Variants in SNAPC1 observed in about 807,000 individuals in gnomAD.
SNAPC1 encodes small nuclear RNA activating complex polypeptide 1.
A neutral mutation model predicts 50.1 loss-of-function variants in SNAPC1; 42 were observed. That is an observed-to-expected ratio of 0.84 (90% confidence interval 0.65 to 1.08). The LOEUF is 1.08. SNAPC1 is among the 50% of genes least tolerant of loss of function. SNAPC1 has a pLI of 0.00. For missense variants in SNAPC1, 477 were observed against 427.3 expected (o/e 1.12, Z -1.02); for synonymous variants, 164 against 144.2 (o/e 1.14, Z -0.98).
At chr14:61,790,484 C>T (rs764015537) in intron 8 of SNAPC1, among the ~76,000 whole-genome samples, 39 of 152,244 alleles carry the variant, frequency 2.6e-4, no homozygotes, top group Middle Eastern at 3.4e-3. Flanking sequence ...TACAGGCGCT[C>T]GCCACCACGC....
intron 1 of SNAPC1, among the ~76,000 whole-genome samples, chr14:61,762,909 G>T (rs2140172033): frequency 1.4e-5 from 2 of 141,920 alleles, no homozygotes; most frequent in Admixed American, 7.2e-5. Flanking sequence ...AGGACCTGAT[G>T]TTTAAAAACA....
At chr14:61,765,137 A>T (rs2044937447) in intron 1 of SNAPC1, among the ~76,000 whole-genome samples, 1 of 152,204 alleles carries the variant, frequency 6.6e-6, no homozygotes, top group Non-Finnish European at 1.5e-5. Context: ...ATGTGGCTTC[A>T]TTGTTTTATC....
chr14:61,794,867 A>G (rs1436905496), intron 9 of SNAPC1, 82 bp from the exon 10 acceptor site: 5 of 898,358 alleles, frequency 5.6e-6, no homozygotes, highest in Admixed American at 1.8e-5. Flanking sequence ...ATTAGGTATT[A>G]TCATGTAAGT....
chr14:61,778,400 CT>C (rs1457392016), intron 6 of SNAPC1, among the ~76,000 whole-genome samples: 2 of 152,182 alleles, frequency 1.3e-5, no homozygotes, highest in Non-Finnish European at 2.9e-5. Context: ...CAGGATCAGG[CT>C]TTTGTAATAT....
At chr14:61,782,465 G>A in intron 8 of SNAPC1, 68 bp downstream of exon 8, 1 of 1,235,998 alleles carries the variant, frequency 8.1e-7, no homozygotes, top group East Asian at 2.5e-5. Context: ...TTTGCCTCAT[G>A]TTTATTTCCT....
chr14:61,795,165 T>C lies in SNAPC1; in HGVS notation c.*182T>C, dbSNP rs2045180163. Reference sequence around the variant, plus strand: ...AAGTACAAAAAATTAGAATAAGAATTCTTTAACATTTTCTTTAATGATTTG... The same window carrying C: ...AAGTACAAAAAATTAGAATAAGAATCCTTTAACATTTTCTTTAATGATTTG... On this transcript the variant is annotated 3_prime_UTR_variant, in exon 10 of 10. Transcript: ENST00000216294. 1.9e-6 allele frequency: 1 copy of C among 528,794 alleles called. No homozygotes were observed. The highest frequency in any genetic ancestry group is 3.7e-5 in the Admixed American group (1 of 26,852). 32.8% of individuals were successfully genotyped at this position (528,794 alleles called of 1,614,324 possible).
chr14:61,772,926 T>A (rs2045004069), intron 4 of SNAPC1, among the ~76,000 whole-genome samples: 1 of 152,208 alleles, frequency 6.6e-6, no homozygotes, highest in South Asian at 2.1e-4. Flanking sequence ...CTCTGTCGGA[T>A]CTCTGGCTTG....
At position 61,763,846 on chromosome 14, in the gene SNAPC1, G is replaced by C. The variant is rs543501478; in HGVS notation, c.128+1258G>C. ...CTTGAGTTTCCATATCTGTAAAATA[G>C]AGGCAATGATAAACCTCATAGTAGT... is the stretch of plus-strand genomic sequence containing the variant. On this transcript the variant is annotated intron_variant, in intron 1 of 9. Transcript: ENST00000216294. 6.1e-3 allele frequency among the ~76,000 whole-genome samples: 928 copies of C among 152,268 alleles called. 10 individuals are homozygous for C. The highest frequency in any genetic ancestry group is 0.022 in the African/African-American group (902 of 41,542).
intron 3 of SNAPC1, 45 bp downstream of exon 3, chr14:61,767,397 T>A: frequency 8.0e-7 from 1 of 1,253,760 alleles, no homozygotes; most frequent in Non-Finnish European, 1.1e-6. Context: ...TGAGCAATTA[T>A]ACTTTATTGT....
rs143370039 is a variant in SNAPC1, at chr14:61,771,304, G to A, written c.534+2564G>A. Among the ~76,000 whole-genome samples, 326 of 152,272 alleles carry A rather than the reference G, an allele frequency of 2.1e-3. 1 individual carries two copies. Among genetic ancestry groups the A allele is most frequent in the African/African-American group, 7.4e-3 (309 of 41,554 alleles). On this transcript the variant is annotated intron_variant, in intron 4 of 9. Coordinates refer to ENST00000216294, the MANE Select transcript of SNAPC1 (RefSeq NM_003082.4). ...TAGGGGTTTTTATCCGTGATTTAAA[G>A]TTGAGGAAACTGAGTTACAGAGACT...
intron 8 of SNAPC1, among the ~76,000 whole-genome samples, chr14:61,787,213 A>C (rs959837724): frequency 1.3e-5 from 2 of 152,206 alleles, no homozygotes; most frequent in African/African-American, 4.8e-5. Context: ...GCAGTGGTAG[A>C]TTGCACAGCC....
At chr14:61,776,980 C>A (rs2045039136) in intron 5 of SNAPC1, among the ~76,000 whole-genome samples, 1 of 152,166 alleles carries the variant, frequency 6.6e-6, no homozygotes, top group Non-Finnish European at 1.5e-5. Flanking sequence ...GTGAAATTTA[C>A]TTTTGAAACT....
At chr14:61,762,701 G>C in intron 1 of SNAPC1, 113 bp downstream of exon 1, 1 of 1,289,026 alleles carries the variant, frequency 7.8e-7, no homozygotes, top group Non-Finnish European at 1.1e-6. Context: ...GGCAGTCACC[G>C]AAGGTTGCCT....
chr14:61,767,312 G>C lies in SNAPC1; in HGVS notation c.389G>C (p.Arg130Pro). Residue 130 changes from arginine to proline, a missense_variant, in exon 3 of 10, where the codon CGA becomes CCA. Physicochemically the swap from Arg to Pro is moderately radical, Grantham distance 103. Transcript: ENST00000216294. Reference protein sequence around the residue: ...FDAAYIFRKLRLDRAFHFTAM... With the variant: ...FDAAYIFRKLPLDRAFHFTAM... Reference sequence around the variant, plus strand: ...GCAGCTTATATTTTTAGGAAGCTACGACTAGACAGAGCATTTCACTTTACA... The same window carrying C: ...GCAGCTTATATTTTTAGGAAGCTACCACTAGACAGAGCATTTCACTTTACA... The C allele has an allele frequency of 6.6e-7, 1 of 1,518,800 alleles. No individual in the cohort carries two copies. The highest frequency in any genetic ancestry group is 8.8e-7 in the Non-Finnish European group (1 of 1,133,444). The allele number at this position is 1,518,800 out of a possible 1,614,324, so 94.1% of individuals were successfully genotyped here.
Position 61,764,268 on chromosome 14 carries a change from G to A in SNAPC1, c.128+1680G>A, listed in dbSNP as rs115831598. Among the ~76,000 whole-genome samples the A allele has an allele frequency of 2.1e-3, 318 of 152,272 alleles. 1 individual carries two copies. Among genetic ancestry groups the A allele is most frequent in the African/African-American group, 7.4e-3 (307 of 41,552 alleles). ...ATAGTACATATAATATTAAAAAGGC[G>A]AAATAACTGATTTTCTGAATGAGTT... is the stretch of plus-strand genomic sequence containing the variant. On this transcript the variant is annotated intron_variant, in intron 1 of 9. Transcript: ENST00000216294.
chr14:61,774,166 T>TTC (rs2140178077), intron 4 of SNAPC1, among the ~76,000 whole-genome samples: 5 of 61,046 alleles, frequency 8.2e-5, no homozygotes, highest in African/African-American at 4.3e-4. Context: ...TTTCTTCTTC[T>TTC]TTTTTTTTTT....
intron 8 of SNAPC1, among the ~76,000 whole-genome samples, chr14:61,784,830 GC>G (rs1311873539): frequency 1.8e-4 from 27 of 152,270 alleles, no homozygotes; most frequent in African/African-American, 6.5e-4. Context: ...ATTTAACGTT[GC>G]TCTTAAAGAG....
intron 8 of SNAPC1, among the ~76,000 whole-genome samples, chr14:61,791,830 C>T (rs571519631): frequency 3.3e-5 from 5 of 151,862 alleles, no homozygotes; most frequent in African/African-American, 1.2e-4. Context: ...GCCTGGGCTA[C>T]AGAGAGACTC....
At chr14:61,774,439 C>T (rs115831729) in intron 4 of SNAPC1, among the ~76,000 whole-genome samples, 1,752 of 152,206 alleles carry the variant, frequency 0.012, 28 homozygotes, top group African/African-American at 0.04. Flanking sequence ...GAGGGACTTC[C>T]CCATTGTCAT....
Sources: allele counts gnomAD v4.1 joint callset (sites outside exome capture counted in the v4.1 genomes callset), GRCh38; gene constraint gnomAD v4.1.1; transcripts MANE v1.5; gene names NCBI Gene and HGNC (gene_info 2026-07-23, HGNC 2026-07-21).